GOPC: variants seen among roughly 807,000 people sequenced by gnomAD.
GOPC encodes the protein golgi associated PDZ and coiled-coil motif containing, also known as Golgi-associated PDZ and coiled-coil motif-containing protein.
In GOPC, 32 loss-of-function variants were observed where a neutral mutation model predicts 51.2. The observed-to-expected ratio is 0.63, with a 90% CI of 0.47 to 0.84. GOPC has a LOEUF of 0.84. GOPC is among the 40% of genes least tolerant of loss of function. The pLI is 0.00. For synonymous variants in GOPC, 190 were observed against 205.1 expected, an observed-to-expected ratio of 0.93 and a Z score of 0.63; for missense variants, 441 against 555.5, an observed-to-expected ratio of 0.79 and a Z score of 2.07.
rs779076365 is a variant in GOPC at position 117,575,296 on chromosome 6, A to G, written c.531T>C (p.Ala177=). 1.6e-5 allele frequency: 26 copies of G among 1,613,492 alleles called. No homozygotes were observed. The highest frequency in any genetic ancestry group is 2.2e-5 in the Non-Finnish European group (26 of 1,179,716). The change falls in exon 4 of 9, where the codon GCT becomes GCC. Residue 177 remains alanine, a synonymous_variant. Transcript: ENST00000368498. ...TCTCTTTTCTCAACAATTTCACTTC[A>G]GCTTCAAGTTGTGCTTCTTTCATTT... The part of the protein sequence containing the change: ...KEKMKEAQLE[A]EVKLLRKENE...
At chr6:117,599,097 CA>C (rs921939384) in intron 1 of GOPC, among the ~76,000 whole-genome samples, 6 of 151,826 alleles carry the variant, frequency 4.0e-5, no homozygotes, top group Non-Finnish European at 8.8e-5. Flanking sequence ...TTTTTTGCAG[CA>C]AAATTTAATA....
intron 5 of GOPC, among the ~76,000 whole-genome samples, 199 bp downstream of exon 5, chr6:117,573,268 G>A (rs192098652): frequency 2.2e-4 from 34 of 152,290 alleles, no homozygotes; most frequent in Non-Finnish European, 3.7e-4. Context: ...AGCACTCTCA[G>A]GGCATTAGTA....
rs1779580537 is a variant in GOPC at position 117,561,360 on chromosome 6, G to A, written c.*1894C>T. On this transcript the variant is annotated 3_prime_UTR_variant, in exon 9 of 9. Transcript: ENST00000368498. ...TAAGGATTCAGTCATAGCAGATAAA[G>A]GATGTTCTCTGAAAAAAATGCCATG... 1 of 224,822 alleles carries A rather than the reference G, an allele frequency of 4.4e-6. No homozygotes were observed. Among genetic ancestry groups the A allele is most frequent in the East Asian group, 6.4e-5 (1 of 15,566 alleles). The allele number at this position is 224,822 out of a possible 1,614,324, so 13.9% of individuals were successfully genotyped here. A position where few individuals can be genotyped will look rare whatever the true frequency, so the allele number is the denominator to read the frequency against.
At chr6:117,580,022 A>C (rs971515984) in intron 1 of GOPC, among the ~76,000 whole-genome samples, 1 of 152,088 alleles carries the variant, frequency 6.6e-6, no homozygotes, top group African/African-American at 2.4e-5. Flanking sequence ...GGAAGGCTTA[A>C]AGAAGGGAAG....
intron 1 of GOPC, among the ~76,000 whole-genome samples, chr6:117,595,888 T>C (rs759590795): frequency 6.6e-6 from 1 of 152,206 alleles, no homozygotes; most frequent in Non-Finnish European, 1.5e-5. Context: ...TTTCATATAA[T>C]GACTTCTTTT....
chr6:117,602,441 G>T lies in GOPC; in HGVS notation c.-153C>A. 6 of 694,652 alleles carry T rather than the reference G, an allele frequency of 8.6e-6. No individual in the cohort carries two copies. The highest frequency in any genetic ancestry group is 1.4e-5 in the Non-Finnish European group (6 of 424,184). The allele number at this position is 694,652 out of a possible 1,614,324, so 43.0% of individuals were successfully genotyped here. A position where few individuals can be genotyped will look rare whatever the true frequency, so the allele number is the denominator to read the frequency against. ...CGTTAACGCCAGCAGCACAGTCACA[G>T]AACCGCAGGAGTAACGAGGCTGAAG... On this transcript the variant is annotated 5_prime_UTR_variant, in exon 1 of 9. The change creates a new upstream start codon in the 5' untranslated region. Transcript: ENST00000368498.
chr6:117,592,194 T>C (rs754405310), intron 1 of GOPC, among the ~76,000 whole-genome samples: 2 of 152,022 alleles, frequency 1.3e-5, no homozygotes, highest in Non-Finnish European at 2.9e-5. Flanking sequence ...TGGTGAAACC[T>C]TGTCTCTACT....
intron 5 of GOPC, 80 bp from the exon 6 acceptor site, chr6:117,571,035 T>G: frequency 1.7e-6 from 1 of 587,770 alleles, no homozygotes; most frequent in Non-Finnish European, 3.0e-6. Flanking sequence ...CTATATAACT[T>G]GCTTTTAGAA....
At chr6:117,588,688 A>G (rs1780068977) in intron 1 of GOPC, among the ~76,000 whole-genome samples, 1 of 151,974 alleles carries the variant, frequency 6.6e-6, no homozygotes, top group Non-Finnish European at 1.5e-5. Context: ...ATTAACATGT[A>G]ATGAGTTTAT....
intron 7 of GOPC, among the ~76,000 whole-genome samples, chr6:117,568,140 C>T (rs1583050983): frequency 6.6e-6 from 1 of 151,876 alleles, no homozygotes; most frequent in South Asian, 2.1e-4. Context: ...GTTGAGGCTG[C>T]AGTGGTCCGT....
intron 1 of GOPC, among the ~76,000 whole-genome samples, chr6:117,581,619 G>C (rs73516440): frequency 2.0e-3 from 302 of 152,288 alleles, no homozygotes; most frequent in African/African-American, 7.0e-3. Context: ...GTTTGAGTAT[G>C]CTTATAAGAT....
chr6:117,587,131 G>A (rs528619064), intron 1 of GOPC, among the ~76,000 whole-genome samples: 14 of 152,120 alleles, frequency 9.2e-5, no homozygotes, highest in Non-Finnish European at 1.9e-4. Context: ...TCTTGAAGCA[G>A]TTATCTGGTC....
intron 1 of GOPC, among the ~76,000 whole-genome samples, chr6:117,580,363 A>G (rs376179615): frequency 2.1e-4 from 32 of 152,138 alleles, no homozygotes; most frequent in African/African-American, 7.5e-4. Flanking sequence ...GATAATATCC[A>G]TGGCTTTGAC....
chr6:117,576,193 T>C (rs575476345), intron 3 of GOPC, among the ~76,000 whole-genome samples: 1 of 152,058 alleles, frequency 6.6e-6, no homozygotes, highest in East Asian at 1.9e-4. Context: ...AAGCTAAAAT[T>C]AATGACAACT....
At chr6:117,576,603 T>C (rs1779884010) in intron 3 of GOPC, among the ~76,000 whole-genome samples, 2 of 152,192 alleles carry the variant, frequency 1.3e-5, no homozygotes, top group Admixed American at 1.3e-4. Context: ...TAATGAGCTA[T>C]TTATACTACA....
chr6:117,595,053 A>G (rs1440493728), intron 1 of GOPC, among the ~76,000 whole-genome samples: 1 of 152,194 alleles, frequency 6.6e-6, no homozygotes, highest in Non-Finnish European at 1.5e-5. Flanking sequence ...TATTTCCCAG[A>G]TGCCTGGGGA....
chr6:117,566,910 C>T lies in GOPC; in HGVS notation c.1202G>A (p.Gly401Asp), dbSNP rs1251747920. ...YRLYLDELEG[G>D]GNPGASCKDT... The stretch of plus-strand genomic sequence containing the variant: ...TTTGCAACTAGCACCAGGGTTACCA[C>T]CTCCTTCTAACTCATCAAGGTACAA... Residue 401 changes from glycine (G) to aspartate (D), a missense_variant, in exon 8 of 9, where the codon GGT becomes GAT. Transcript: ENST00000368498. The T allele has an allele frequency of 6.2e-7, 1 of 1,607,770 alleles. No individual in the cohort carries two copies. Among genetic ancestry groups the T allele is most frequent in the African/African-American group, 1.3e-5 (1 of 74,746 alleles).
chr6:117,564,113 AGCTACAAGC>A (rs1779645283), intron 8 of GOPC, among the ~76,000 whole-genome samples: 1 of 151,718 alleles, frequency 6.6e-6, no homozygotes, highest in African/African-American at 2.4e-5. Flanking sequence ...GAGTAGCTGG[AGCTACAAGC>A]ATGTGCCACC....
chr6:117,577,567 T>G, intron 2 of GOPC, 96 bp from the exon 3 acceptor site: 2 of 925,702 alleles, frequency 2.2e-6, no homozygotes, highest in Non-Finnish European at 3.3e-6. Context: ...TCCCACATGT[T>G]GGATATCATT....
Sources: gnomAD v4.1 joint callset for allele counts (sites outside exome capture counted in the v4.1 genomes callset) on GRCh38, gnomAD v4.1.1 for gene constraint, MANE v1.5 for transcripts, NCBI Gene and HGNC (gene_info 2026-07-23, HGNC 2026-07-21) for gene names.